Variants in CNTN6 observed in about 807,000 individuals in gnomAD.
CNTN6 encodes contactin-6.
Under a neutral mutation model 122.8 loss-of-function variants are expected in CNTN6, and 137 were observed. That is an observed-to-expected ratio of 1.12 (90% confidence interval 0.97 to 1.29). CNTN6 has a LOEUF of 1.29. Ranked by LOEUF, CNTN6 falls within the 50% of genes most tolerant of loss-of-function variation. CNTN6 has a pLI of 0.00. For missense variants in CNTN6, 1,634 were observed against 1,223.4 expected (o/e 1.34, Z -5.01); for synonymous variants, 570 against 426.0 (o/e 1.34, Z -4.16).
intron 1 of CNTN6, among the ~76,000 whole-genome samples, chr3:1,131,219 T>C (rs534971830): frequency 1.3e-5 from 2 of 152,114 alleles, no homozygotes; most frequent in South Asian, 4.1e-4. Context: ...ATCCTGGAAA[T>C]GTAGTGCTGA....
chr3:1,136,061 C>T (rs2092464895), intron 1 of CNTN6, among the ~76,000 whole-genome samples: 1 of 152,154 alleles, frequency 6.6e-6, no homozygotes, highest in African/African-American at 2.4e-5. Flanking sequence ...AATTAAAACC[C>T]ACCCAATTTT....
intron 2 of CNTN6, among the ~76,000 whole-genome samples, chr3:1,155,456 C>T (rs1255158381): frequency 1.3e-5 from 2 of 151,564 alleles, no homozygotes; most frequent in African/African-American, 4.9e-5. Flanking sequence ...ATGTTTTAGT[C>T]ACAATATATC....
intron 20 of CNTN6, among the ~76,000 whole-genome samples, chr3:1,386,631 T>A (rs56056549): frequency 0.51 from 77,039 of 152,020 alleles, 20,939 homozygotes; most frequent in East Asian, 0.82. Context: ...TTGAATAATA[T>A]TTACATATTC....
At position 1,117,310 on chromosome 3, in the gene CNTN6, G is replaced by A. The variant is rs566163948; in HGVS notation, c.-83+24190G>A. ...GGACCAAGGACAGAAGAACATGGTA[G>A]CCAGAGAGGTAAGAAAGGTTAAAAA... On this transcript the variant is annotated intron_variant, in intron 1 of 22. Transcript: ENST00000446702. Among the ~76,000 whole-genome samples, 16 of 152,276 alleles carry A rather than the reference G, an allele frequency of 1.1e-4. 1 individual carries two copies. Among genetic ancestry groups the A allele is most frequent in the African/African-American group, 3.4e-4 (14 of 41,558 alleles).
intron 19 of CNTN6, among the ~76,000 whole-genome samples, chr3:1,385,193 T>C (rs990960040): frequency 5.9e-5 from 9 of 152,244 alleles, no homozygotes; most frequent in African/African-American, 1.7e-4. Context: ...TCAGTATAAA[T>C]TGAATTATTA....
At chr3:1,185,789 G>A (rs1461297762) in intron 2 of CNTN6, among the ~76,000 whole-genome samples, 1 of 152,002 alleles carries the variant, frequency 6.6e-6, no homozygotes, top group Non-Finnish European at 1.5e-5. Context: ...TTTCCCCTTT[G>A]TAACATTGAG....
At chr3:1,102,662 A>G (rs1459579402) in intron 1 of CNTN6, among the ~76,000 whole-genome samples, 1 of 149,484 alleles carries the variant, frequency 6.7e-6, no homozygotes, top group African/African-American at 2.4e-5. Context: ...CGGGGGGCGG[A>G]GCTTGCAGTG....
intron 4 of CNTN6, among the ~76,000 whole-genome samples, chr3:1,276,245 T>C (rs1692337911): frequency 6.6e-6 from 1 of 152,176 alleles, no homozygotes; most frequent in Non-Finnish European, 1.5e-5. Context: ...GATGCTTATA[T>C]TAGTTTTTTA....
chr3:1,208,369 C>T (rs72619601), intron 2 of CNTN6, among the ~76,000 whole-genome samples: 25,237 of 151,800 alleles, frequency 0.17, 2,613 homozygotes, highest in African/African-American at 0.29. Context: ...TTTATTCAAG[C>T]TTTTCTTCTT....
intron 13 of CNTN6, 135 bp downstream of exon 13, chr3:1,372,609 T>C (rs552130801): frequency 3.6e-6 from 3 of 834,146 alleles, no homozygotes; most frequent in South Asian, 4.0e-5. Context: ...ACATTTGTTT[T>C]TGTTTTGGTT....
chr3:1,346,960 C>T (rs1704822452), intron 11 of CNTN6, among the ~76,000 whole-genome samples: 1 of 152,138 alleles, frequency 6.6e-6, no homozygotes. Flanking sequence ...TGTAGGACTA[C>T]CTACCTTCCC....
intron 12 of CNTN6, among the ~76,000 whole-genome samples, chr3:1,356,565 C>T (rs535183489): frequency 6.6e-6 from 1 of 151,824 alleles, no homozygotes; most frequent in East Asian, 2.0e-4. Flanking sequence ...TCAAGCTCAG[C>T]TTTATTGACA....
chr3:1,168,510 C>G (rs1187209782), intron 2 of CNTN6, among the ~76,000 whole-genome samples: 1 of 151,256 alleles, frequency 6.6e-6, no homozygotes, highest in Non-Finnish European at 1.5e-5. Context: ...ATCAACTGTT[C>G]TAAGCACTGA....
chr3:1,189,785 G>GAA (rs1295382103), intron 2 of CNTN6, among the ~76,000 whole-genome samples: 2 of 151,988 alleles, frequency 1.3e-5, no homozygotes, highest in Non-Finnish European at 2.9e-5. Context: ...CCAAGGAAGA[G>GAA]AAAAAAATGC....
intron 12 of CNTN6, among the ~76,000 whole-genome samples, chr3:1,365,662 T>C (rs1708111325): frequency 6.6e-6 from 1 of 152,092 alleles, no homozygotes; most frequent in African/African-American, 2.4e-5. Context: ...AAATAAAATT[T>C]TAAAAATAAA....
chr3:1,245,278 C>T (rs1189755378), intron 4 of CNTN6, among the ~76,000 whole-genome samples: 974 of 5,772 alleles, frequency 0.17, 175 homozygotes, highest in Middle Eastern at 0.83. Flanking sequence ...TATATATACA[C>T]ACACATATAT....
intron 1 of CNTN6, among the ~76,000 whole-genome samples, chr3:1,124,470 TGTAC>T (rs2092083265): frequency 6.6e-6 from 1 of 151,898 alleles, no homozygotes; most frequent in East Asian, 1.9e-4. Flanking sequence ...CTTCCACACC[TGTAC>T]TTTTTCTAAT....
intron 4 of CNTN6, among the ~76,000 whole-genome samples, chr3:1,246,564 G>A (rs905619101): frequency 4.6e-5 from 7 of 151,978 alleles, no homozygotes; most frequent in Non-Finnish European, 7.4e-5. Context: ...CAGAATTATC[G>A]GGAAATTGGG....
rs192875874 is a variant in CNTN6, at chr3:1,206,213, A to T, written c.56-14474A>T. Among the ~76,000 whole-genome samples, 218 of 152,252 alleles carry T rather than the reference A, an allele frequency of 1.4e-3. 1 individual carries two copies. The highest frequency in any genetic ancestry group is 3.4e-3 in the Middle Eastern group (1 of 294). ...CTCATTCTCCTGAAGATCATTTCAC[A>T]CATACATCCCTCTTAAACCTCCCAT... On this transcript the variant is annotated intron_variant, in intron 2 of 22. Transcript: ENST00000446702.
Sources: allele counts gnomAD v4.1 joint callset (sites outside exome capture counted in the v4.1 genomes callset), GRCh38; gene constraint gnomAD v4.1.1; transcripts MANE v1.5; gene names NCBI Gene and HGNC (gene_info 2026-07-23, HGNC 2026-07-21).